The following GABRB1 variants were observed in gnomAD, a reference collection of about 807,000 sequenced individuals.
GABRB1 encodes gamma-aminobutyric acid receptor subunit beta-1.
Under a neutral mutation model 51.6 loss-of-function variants are expected in GABRB1, and 17 were observed. That is an observed-to-expected ratio of 0.33 (90% confidence interval 0.23 to 0.49). The LOEUF (loss-of-function observed/expected upper bound fraction) is 0.49. GABRB1 is among the 20% of genes least tolerant of loss of function. The pLI is 0.99. For synonymous variants in GABRB1, 247 were observed against 218.9 expected (o/e 1.13, Z -1.14); for missense variants, 410 against 600.6 (o/e 0.68, Z 3.32).
chr4:47,393,867 G>A (rs1728091477), intron 5 of GABRB1, among the ~76,000 whole-genome samples: 1 of 152,196 alleles, frequency 6.6e-6, no homozygotes, highest in Non-Finnish European at 1.5e-5. Context: ...TCATGCCTAG[G>A]ATAGTGTTTG....
chr4:47,292,725 C>A (rs902124252), intron 4 of GABRB1, among the ~76,000 whole-genome samples: 1 of 152,096 alleles, frequency 6.6e-6, no homozygotes, highest in Non-Finnish European at 1.5e-5. Context: ...GCTGCGAAAT[C>A]CAAGATTGAG....
intron 3 of GABRB1, among the ~76,000 whole-genome samples, chr4:47,079,743 C>T (rs898803027): frequency 6.7e-6 from 1 of 149,428 alleles, no homozygotes; most frequent in African/African-American, 2.5e-5. Context: ...CAAACTATCG[C>T]AAGGACAAAA....
At chr4:47,004,841 T>C (rs915609809) in intron 1 of GABRB1, among the ~76,000 whole-genome samples, 1 of 152,258 alleles carries the variant, frequency 6.6e-6, no homozygotes, top group East Asian at 1.9e-4. Context: ...ATTATACTTC[T>C]AGGAAAAACA....
intron 1 of GABRB1, among the ~76,000 whole-genome samples, chr4:47,007,866 G>GTTATATATATATATA (rs1476319173): frequency 2.0e-5 from 1 of 49,972 alleles, no homozygotes; most frequent in African/African-American, 7.9e-5. Flanking sequence ...CTTGGAACTG[G>GTTATATATATATATA]TATATATATA....
intron 5 of GABRB1, among the ~76,000 whole-genome samples, chr4:47,375,816 T>C (rs566660230): frequency 6.6e-6 from 1 of 152,240 alleles, no homozygotes; most frequent in South Asian, 2.1e-4. Context: ...CAAATATTGA[T>C]AATATTTCGG....
intron 7 of GABRB1, among the ~76,000 whole-genome samples, chr4:47,406,343 T>C (rs1476732489): frequency 6.6e-6 from 1 of 152,210 alleles, no homozygotes; most frequent in Non-Finnish European, 1.5e-5. Flanking sequence ...AAGAAAGATG[T>C]GGTCATGTAA....
chr4:47,194,045 T>C (rs1226725799), intron 4 of GABRB1, among the ~76,000 whole-genome samples: 3 of 152,242 alleles, frequency 2.0e-5, no homozygotes, highest in Admixed American at 1.3e-4. Context: ...CTGCTTCTCT[T>C]TAAATTTTCT....
intron 3 of GABRB1, among the ~76,000 whole-genome samples, chr4:47,071,558 C>T (rs1577880621): frequency 6.6e-6 from 1 of 152,204 alleles, no homozygotes; most frequent in East Asian, 1.9e-4. Flanking sequence ...GCCAGCAGTT[C>T]CTATCTTCAT....
At chr4:47,032,875 C>G (rs550851640) in intron 3 of GABRB1, 18 of 396,238 alleles carry the variant, frequency 4.5e-5, no homozygotes, top group South Asian at 3.2e-4. Context: ...CATCACCTCC[C>G]CAGGCGCGGT....
At chr4:47,168,311 A>G (rs1469909373) in intron 4 of GABRB1, among the ~76,000 whole-genome samples, 1 of 152,166 alleles carries the variant, frequency 6.6e-6, no homozygotes, top group Non-Finnish European at 1.5e-5. Flanking sequence ...ACTGTCTCAT[A>G]ATTTGTTACT....
intron 4 of GABRB1, among the ~76,000 whole-genome samples, chr4:47,316,308 T>C (rs889965763): frequency 6.6e-5 from 10 of 152,008 alleles, no homozygotes; most frequent in African/African-American, 2.4e-4. Flanking sequence ...TTTTTAGCTC[T>C]CACATGTGCA....
chr4:47,285,059 G>A (rs1723456970), intron 4 of GABRB1, among the ~76,000 whole-genome samples: 1 of 152,204 alleles, frequency 6.6e-6, no homozygotes, highest in South Asian at 2.1e-4. Flanking sequence ...AATACAATGA[G>A]AGTATTTGCA....
intron 5 of GABRB1, among the ~76,000 whole-genome samples, chr4:47,334,936 G>GA (rs1165262574): frequency 1.3e-5 from 2 of 152,156 alleles, no homozygotes; most frequent in Non-Finnish European, 2.9e-5. Context: ...TTAGTGACCT[G>GA]AAAACCTATC....
chr4:47,167,328 T>A (rs886547827), intron 4 of GABRB1, among the ~76,000 whole-genome samples: 6 of 152,098 alleles, frequency 3.9e-5, no homozygotes, highest in Non-Finnish European at 5.9e-5. Flanking sequence ...TGAAACACTG[T>A]GTTTATCTTT....
At chr4:47,311,887 G>T (rs1035682653) in intron 4 of GABRB1, among the ~76,000 whole-genome samples, 2 of 152,066 alleles carry the variant, frequency 1.3e-5, no homozygotes, top group African/African-American at 2.4e-5. Context: ...TGCCCTCCCC[G>T]AGATTGCTGA....
chr4:47,062,781 T>C (rs747946785), intron 3 of GABRB1, among the ~76,000 whole-genome samples: 2 of 152,174 alleles, frequency 1.3e-5, no homozygotes, highest in Non-Finnish European at 2.9e-5. Context: ...ACCTGCTGGT[T>C]ACCTTATCAA....
intron 5 of GABRB1, among the ~76,000 whole-genome samples, chr4:47,398,518 T>C (rs1259388487): frequency 1.3e-5 from 2 of 152,184 alleles, no homozygotes; most frequent in Non-Finnish European, 2.9e-5. Flanking sequence ...CCAGGAAAGA[T>C]ATATCTTCCC....
chr4:47,386,464 A>G (rs1387393942), intron 5 of GABRB1, among the ~76,000 whole-genome samples: 3 of 152,244 alleles, frequency 2.0e-5, no homozygotes, highest in Non-Finnish European at 4.4e-5. Flanking sequence ...AATACAGACA[A>G]TAAGATTTTT....
At chr4:47,392,089 TA>T (rs201077519) in intron 5 of GABRB1, among the ~76,000 whole-genome samples, 2,768 of 139,632 alleles carry the variant, frequency 0.02, 73 homozygotes, top group African/African-American at 0.062. Context: ...TTGGAAGGGC[TA>T]AAAAAAAAAA....
Sources: gnomAD v4.1 joint callset for allele counts (sites outside exome capture counted in the v4.1 genomes callset) on GRCh38, gnomAD v4.1.1 for gene constraint, MANE v1.5 for transcripts, NCBI Gene and HGNC (gene_info 2026-07-23, HGNC 2026-07-21) for gene names.